FBXW8: variants seen among roughly 807,000 people sequenced by gnomAD.
The protein encoded by FBXW8 is F-box and WD repeat domain containing 8.
A neutral mutation model predicts 65.3 loss-of-function variants in FBXW8; 57 were observed. The ratio of observed to expected loss-of-function variants is 0.87; its 90% CI spans 0.71 to 1.09. The LOEUF (loss-of-function observed/expected upper bound fraction) is 1.09, where lower values mean the gene tolerates loss of function less well. Among genes scored for constraint, FBXW8 ranks in the 50% least tolerant of loss-of-function variants. The pLI is 0.00. For synonymous variants in FBXW8, 308 were observed against 330.2 expected (o/e 0.93, Z 0.73); for missense variants, 777 against 814.8 (o/e 0.95, Z 0.57).
At chr12:116,994,806 T>A (rs547762329) in intron 7 of FBXW8, among the ~76,000 whole-genome samples, 2 of 152,074 alleles carry the variant, frequency 1.3e-5, no homozygotes, top group African/African-American at 2.4e-5. Context: ...GCTAGATTGC[T>A]CCTGGTGTTT....
intron 5 of FBXW8, among the ~76,000 whole-genome samples, chr12:116,976,195 GT>G (rs1385988900): frequency 1.3e-5 from 2 of 152,100 alleles, no homozygotes; most frequent in Admixed American, 6.5e-5. Context: ...TAAAAACAAT[GT>G]TACATGATTA....
rs117095246 is a variant in FBXW8, at chr12:117,030,724, C to T, written c.*2552C>T. 1.3e-5 allele frequency: 2 copies of T among 152,240 alleles called. No homozygotes were observed. Among genetic ancestry groups the T allele is most frequent in the East Asian group, 1.9e-4 (1 of 5,178 alleles). The allele number at this position is 152,240 out of a possible 1,614,324, so 9.4% of individuals were successfully genotyped here. A position where few individuals can be genotyped will look rare whatever the true frequency, so the allele number is the denominator to read the frequency against. On this transcript the variant is annotated 3_prime_UTR_variant, in exon 11 of 11. Transcript: ENST00000652555. ...TAACGTACCTGCCATTCGTGGAAGT[C>T]GCCTGGGTTTTGTAAAGGAGAATTT...
chr12:117,020,964 T>C (rs1954079562), intron 8 of FBXW8, among the ~76,000 whole-genome samples: 1 of 152,246 alleles, frequency 6.6e-6, no homozygotes, highest in South Asian at 2.1e-4. Context: ...GTATGTGGAC[T>C]CTTGTGTAGC....
intron 1 of FBXW8, among the ~76,000 whole-genome samples, chr12:116,918,197 T>C (rs1388639151): frequency 1.3e-5 from 2 of 152,304 alleles, no homozygotes; most frequent in East Asian, 3.9e-4. Flanking sequence ...GTAGGCACTT[T>C]CTCTGTTGTC....
chr12:116,985,238 A>G lies in FBXW8; in HGVS notation c.868A>G (p.Lys290Glu). The change falls in exon 6 of 11, where the codon AAG becomes GAG. Residue 290 changes from lysine (K) to glutamate (E), a missense_variant. Physicochemically the swap from Lys to Glu is moderately conservative, Grantham distance 56. Coordinates refer to ENST00000652555, the MANE Select transcript of FBXW8 (RefSeq NM_153348.3). ...FLNIWDLRTG[K>E]YPVHRFEHDA... The stretch of plus-strand genomic sequence containing the variant: ...TAATATTTGGGATTTAAGGACCGGA[A>G]AGTACCCTGTTCATCGTTTTGAGCA... 1 of 1,612,064 alleles carries G rather than the reference A, an allele frequency of 6.2e-7. No individual in the cohort carries two copies. The highest frequency in any genetic ancestry group is 8.5e-7 in the Non-Finnish European group (1 of 1,179,522).
Position 116,911,214 on chromosome 12 carries a change from C to T in FBXW8, c.177C>T (p.Leu59=), listed in dbSNP as rs967251611. 1.4e-5 allele frequency: 17 copies of T among 1,248,740 alleles called. No homozygotes were observed. The African/African-American group carries it at 2.5e-4, about 18-fold the overall frequency. 77.4% of individuals were successfully genotyped at this position (1,248,740 alleles called of 1,614,324 possible). Reference sequence around the variant, plus strand: ...GGGACCCGGCGCTGGCCCAGCGTCTCCTGGAGGGCGCGGGGAGGCCCCCGG... The same window carrying T: ...GGGACCCGGCGCTGGCCCAGCGTCTTCTGGAGGGCGCGGGGAGGCCCCCGG... The part of the protein sequence containing the change: ...ASGDPALAQR[L]LEGAGRPPAA... The change falls in exon 1 of 11, where the codon CTC becomes CTT. Residue 59 remains leucine (L), a synonymous_variant. Coordinates refer to ENST00000652555, the MANE Select transcript of FBXW8 (RefSeq NM_153348.3).
chr12:116,931,469 A>G (rs1051456496), intron 2 of FBXW8, among the ~76,000 whole-genome samples: 1 of 152,076 alleles, frequency 6.6e-6, no homozygotes, highest in Non-Finnish European at 1.5e-5. Context: ...TTTGAGTAGT[A>G]TGGACATTTT....
chr12:117,016,959 T>C (rs1953965882), intron 8 of FBXW8, among the ~76,000 whole-genome samples: 1 of 152,232 alleles, frequency 6.6e-6, no homozygotes, highest in South Asian at 2.1e-4. Context: ...GAGGGGTTAT[T>C]CCGGACTCTC....
At chr12:116,980,875 T>C (rs1332066640) in intron 5 of FBXW8, among the ~76,000 whole-genome samples, 3 of 152,244 alleles carry the variant, frequency 2.0e-5, no homozygotes, top group African/African-American at 4.8e-5. Context: ...TTATTAAATA[T>C]TTGTTTCTCT....
At chr12:117,005,631 C>T (rs773478118) in intron 7 of FBXW8, among the ~76,000 whole-genome samples, 1 of 152,218 alleles carries the variant, frequency 6.6e-6, no homozygotes, top group South Asian at 2.1e-4. Context: ...CGAAACACCA[C>T]GTGATGCGTG....
In FBXW8 at chr12:116,911,114, G is replaced by T; in HGVS notation, c.77G>T (p.Arg26Leu). ...GCGCAGGCCCAGGCGCCGAAGAAGCGGCGACGGCCCGAGGCTGCCGAGAGG... is the reference window on the plus strand; with the variant it reads ...GCGCAGGCCCAGGCGCCGAAGAAGCTGCGACGGCCCGAGGCTGCCGAGAGG... Reference protein sequence around the residue: ...ELAQAQAPKKRRRPEAAERRA... With the variant: ...ELAQAQAPKKLRRPEAAERRA... Residue 26 changes from arginine to leucine, a missense_variant, in exon 1 of 11, where the codon CGG becomes CTG. By Grantham distance (102) the Arg-to-Leu change is moderately radical. Coordinates refer to ENST00000652555, the MANE Select transcript of FBXW8 (RefSeq NM_153348.3). 1 of 1,396,124 alleles carries T rather than the reference G, an allele frequency of 7.2e-7. No homozygotes were observed. The highest frequency in any genetic ancestry group is 9.2e-7 in the Non-Finnish European group (1 of 1,085,566). 86.5% of individuals were successfully genotyped at this position (1,396,124 alleles called of 1,614,324 possible).
intron 7 of FBXW8, among the ~76,000 whole-genome samples, chr12:116,998,768 T>C (rs1953440862): frequency 6.6e-6 from 1 of 152,226 alleles, no homozygotes; most frequent in Non-Finnish European, 1.5e-5. Context: ...AGAGGCTGTG[T>C]GCTTCCCCTG....
intron 2 of FBXW8, among the ~76,000 whole-genome samples, chr12:116,930,259 C>A (rs1355260181): frequency 1.3e-5 from 2 of 152,216 alleles, no homozygotes; most frequent in African/African-American, 4.8e-5. Flanking sequence ...TCCTTAATGG[C>A]TGTGCTAATT....
chr12:116,956,221 T>C (rs1023916504), intron 4 of FBXW8, among the ~76,000 whole-genome samples: 1 of 152,188 alleles, frequency 6.6e-6, no homozygotes, highest in Non-Finnish European at 1.5e-5. Context: ...CTGCCTTTGC[T>C]GGAAGGAGCA....
chr12:116,991,747 G>A (rs536270919), intron 7 of FBXW8, among the ~76,000 whole-genome samples: 3 of 152,376 alleles, frequency 2.0e-5, no homozygotes, highest in East Asian at 3.9e-4. Context: ...GGATTTAGCT[G>A]TAGTCCATTA....
chr12:116,917,670 C>T (rs1410225690), intron 1 of FBXW8, among the ~76,000 whole-genome samples: 1 of 152,154 alleles, frequency 6.6e-6, no homozygotes, highest in African/African-American at 2.4e-5. Flanking sequence ...TAGGCCAGAA[C>T]CTCTGATGGG....
rs545382724 is a variant in FBXW8, at chr12:116,961,076, A to G, written c.678-3621A>G. On this transcript the variant is annotated intron_variant, in intron 4 of 10. Coordinates refer to ENST00000652555, the MANE Select transcript of FBXW8 (RefSeq NM_153348.3). The surrounding 1 kb of genome is among the most constrained non-coding windows in gnomAD (Gnocchi z 4.4). ...CAGTGGCACAATCTCGGCTCACTGC[A>G]ACCTCCACCTCCCAGTTCAAGCGAT... Among the ~76,000 whole-genome samples the G allele has an allele frequency of 5.9e-5, 9 of 152,276 alleles. No individual in the cohort carries two copies. The South Asian group carries it at 1.9e-3, about 32-fold the overall frequency.
chr12:116,972,611 G>A (rs1023486134), intron 5 of FBXW8, among the ~76,000 whole-genome samples: 1 of 152,100 alleles, frequency 6.6e-6, no homozygotes, highest in African/African-American at 2.4e-5. Context: ...GGAGCTTGGC[G>A]GCATACAGGG....
intron 7 of FBXW8, among the ~76,000 whole-genome samples, chr12:117,000,144 C>T (rs1378686303): frequency 1.3e-5 from 2 of 152,092 alleles, no homozygotes; most frequent in African/African-American, 4.8e-5. Flanking sequence ...ACCACGCCTG[C>T]CTTTTGTATT....
Sources: gnomAD v4.1 joint callset for allele counts (sites outside exome capture counted in the v4.1 genomes callset) on GRCh38, gnomAD v4.1.1 for gene constraint, Gnocchi (gnomAD v3.1) non-coding constraint, MANE v1.5 for transcripts, NCBI Gene and HGNC (gene_info 2026-07-23, HGNC 2026-07-21) for gene names.